Variants in FANCB observed in about 807,000 individuals in gnomAD.
FANCB encodes Fanconi anemia group B protein.
FANCB carries 5 observed loss-of-function variants against 38.9 expected under a neutral mutation model. The ratio of observed to expected loss-of-function variants is 0.13; its 90% confidence interval spans 0.07 to 0.27. The LOEUF is 0.27. FANCB is among the 10% of genes least tolerant of loss of function. The pLI, the probability that FANCB is intolerant of heterozygous loss-of-function variation, is 1.00. For missense variants in FANCB, 573 were observed against 602.7 expected (o/e 0.95, Z 0.52); for synonymous variants, 236 against 215.4 (o/e 1.10, Z -0.84).
the FANCB span, among the ~76,000 whole-genome samples, chrX:14,801,038 CGAAGCA>C: frequency 0.14 from 15,170 of 109,224 alleles, 1,948 homozygotes; most frequent in African/African-American, 0.38. Flanking sequence ...TAGAAATTAC[CGAAGCA>C]GAAGCAGAAG....
At chrX:14,754,971 T>A in the FANCB span, among the ~76,000 whole-genome samples, 15 of 111,564 alleles carry the variant, frequency 1.3e-4, no homozygotes, top group African/African-American at 4.9e-4. Flanking sequence ...CCAAATTCAA[T>A]AGCACATTAA....
intron 7 of FANCB, among the ~76,000 whole-genome samples, chrX:14,849,244 C>G (rs1170832906): frequency 9.0e-6 from 1 of 111,466 alleles, no homozygotes; most frequent in African/African-American, 3.3e-5. Context: ...CACAAGAATG[C>G]AAGACTGATT....
chrX:14,830,755 G>T, the FANCB span, among the ~76,000 whole-genome samples: 1 of 111,531 alleles, frequency 9.0e-6, no homozygotes, highest in Non-Finnish European at 1.9e-5. Flanking sequence ...ATTCCTTCAA[G>T]ATTCCCCATG....
At chrX:14,809,641 A>G in the FANCB span, among the ~76,000 whole-genome samples, 1 of 112,536 alleles carries the variant, frequency 8.9e-6, no homozygotes, top group South Asian at 3.7e-4. Flanking sequence ...GGCGCCCGCC[A>G]TTGCCCAGGC....
At chrX:14,819,456 C>T in the FANCB span, among the ~76,000 whole-genome samples, 5 of 111,094 alleles carry the variant, frequency 4.5e-5, no homozygotes, top group Admixed American at 1.9e-4. Context: ...GAAGGAGAAA[C>T]GCAGGGGAGC....
chrX:14,731,445 A>C, the FANCB span: 1 of 112,039 alleles, frequency 8.9e-6, no homozygotes, highest in East Asian at 2.8e-4. Flanking sequence ...TGAACAGTGT[A>C]GCTCAGGTCA....
chrX:14,721,311 G>GAATA, the FANCB span, among the ~76,000 whole-genome samples: 1 of 88,743 alleles, frequency 1.1e-5, no homozygotes, highest in Non-Finnish European at 2.2e-5. Flanking sequence ...ATTGCTAAAA[G>GAATA]AATAGATTTT....
At chrX:14,706,630 G>A in the FANCB span, among the ~76,000 whole-genome samples, 5 of 111,244 alleles carry the variant, frequency 4.5e-5, no homozygotes, top group South Asian at 1.1e-3. Flanking sequence ...CTGGTATTAG[G>A]AGCCAAATGG....
chrX:14,818,642 C>T, the FANCB span, among the ~76,000 whole-genome samples: 1 of 110,891 alleles, frequency 9.0e-6, no homozygotes, highest in East Asian at 2.8e-4. Context: ...AGAAATATAA[C>T]GCATGCCACA....
chrX:14,801,925 C>T, the FANCB span, among the ~76,000 whole-genome samples: 4 of 111,103 alleles, frequency 3.6e-5, no homozygotes, highest in Non-Finnish European at 7.5e-5. Context: ...CAATAAGAAG[C>T]GCTCTGTGAC....
the FANCB span, among the ~76,000 whole-genome samples, chrX:14,778,080 T>C: frequency 8.9e-6 from 1 of 111,815 alleles, no homozygotes; most frequent in Non-Finnish European, 1.9e-5. Flanking sequence ...CCACCATGTA[T>C]GAAAAATTCT....
chrX:14,805,185 G>C, the FANCB span, among the ~76,000 whole-genome samples: 11 of 111,160 alleles, frequency 9.9e-5, no homozygotes, highest in Non-Finnish European at 1.9e-4. Flanking sequence ...GACTTCTCCT[G>C]ATCTCCAAAA....
the FANCB span, among the ~76,000 whole-genome samples, chrX:14,817,511 GA>G: frequency 9.0e-6 from 1 of 111,426 alleles, no homozygotes; most frequent in Non-Finnish European, 1.9e-5. Flanking sequence ...TCAGTAGTAA[GA>G]AGTAACAGGT....
chrX:14,729,440 T>G, the FANCB span, among the ~76,000 whole-genome samples: 1 of 111,443 alleles, frequency 9.0e-6, no homozygotes, highest in Non-Finnish European at 1.9e-5. Flanking sequence ...TATTTGTCCT[T>G]TACACCAAGG....
At chrX:14,772,238 C>T in the FANCB span, among the ~76,000 whole-genome samples, 2 of 109,887 alleles carry the variant, frequency 1.8e-5, no homozygotes, top group South Asian at 3.9e-4. Context: ...AGATGGTGGC[C>T]GCTCTCTCCC....
chrX:14,699,080 A>G, the FANCB span, among the ~76,000 whole-genome samples: 7 of 112,284 alleles, frequency 6.2e-5, no homozygotes, highest in Non-Finnish European at 9.4e-5. Context: ...AATCACGCCC[A>G]GATCTTCCCT....
chrX:14,691,707 G>A, the FANCB span, among the ~76,000 whole-genome samples: 2 of 111,912 alleles, frequency 1.8e-5, no homozygotes, highest in East Asian at 5.6e-4. Context: ...TGCTTGGAAA[G>A]CACTGTTCTG....
At chrX:14,713,440 C>G in the FANCB span, among the ~76,000 whole-genome samples, 1 of 112,107 alleles carries the variant, frequency 8.9e-6, no homozygotes, top group Admixed American at 9.5e-5. Context: ...CATTGCTTCT[C>G]TTATGAGGAA....
chrX:14,827,278 AT>A, the FANCB span, among the ~76,000 whole-genome samples: 1 of 111,669 alleles, frequency 9.0e-6, no homozygotes, highest in African/African-American at 3.3e-5. Flanking sequence ...GCTTATTGGT[AT>A]TTTTATCAGG....
Sources: gnomAD v4.1 joint callset for allele counts (sites outside exome capture counted in the v4.1 genomes callset) on GRCh38, gnomAD v4.1.1 for gene constraint, MANE v1.5 for transcripts, NCBI Gene and HGNC (gene_info 2026-07-23, HGNC 2026-07-21) for gene names.